The following CELF2 variants were observed in gnomAD, a reference collection of about 807,000 sequenced individuals.
CELF2 encodes CUGBP Elav-like family member 2, also known as CUG triplet repeat RNA-binding protein 2.
CELF2 carries 8 observed loss-of-function variants against 62.6 expected under a neutral mutation model. That is an observed-to-expected ratio of 0.13 (90% CI 0.07 to 0.23). The LOEUF (loss-of-function observed/expected upper bound fraction) is 0.23. CELF2 is among the 10% of genes least tolerant of loss of function. The pLI is 1.00. For synonymous variants in CELF2, 258 were observed against 250.0 expected (o/e 1.03, Z -0.30); for missense variants, 333 against 671.0 (o/e 0.50, Z 5.56).
chr10:10,966,010 C>T (rs1245938457), intron 2 of CELF2, among the ~76,000 whole-genome samples: 5 of 152,156 alleles, frequency 3.3e-5, no homozygotes, highest in Non-Finnish European at 7.3e-5. Context: ...TCTAATATTG[C>T]CACGGGCCCT....
intron 1 of CELF2, among the ~76,000 whole-genome samples, chr10:10,892,062 CA>C (rs963161331): frequency 4.0e-5 from 6 of 151,416 alleles, no homozygotes; most frequent in East Asian, 1.9e-4. Context: ...CAATGATATG[CA>C]AAAAAAACCT....
chr10:10,796,871 G>C, upstream of CELF2: 3 of 985,122 alleles, frequency 3.0e-6, no homozygotes, highest in Non-Finnish European at 3.6e-6. Flanking sequence ...GAAGAAGCTT[G>C]AAGTCCCAGA....
chr10:10,524,776 CA>C, the CELF2 span, among the ~76,000 whole-genome samples: 1 of 152,082 alleles, frequency 6.6e-6, no homozygotes, highest in African/African-American at 2.4e-5. Context: ...AGGTCATTTT[CA>C]AACTTTGGAT....
chr10:11,103,551 A>C (rs1170872700), intron 1 of CELF2, among the ~76,000 whole-genome samples: 1 of 143,372 alleles, frequency 7.0e-6, no homozygotes, highest in Non-Finnish European at 1.5e-5. Flanking sequence ...TCTGAACCTC[A>C]ATGTTCTCAT....
At chr10:10,507,200 A>G in the CELF2 span, among the ~76,000 whole-genome samples, 1 of 152,096 alleles carries the variant, frequency 6.6e-6, no homozygotes, top group African/African-American at 2.4e-5. Flanking sequence ...AGCCAGTTTT[A>G]CTGAAAAACT....
At chr10:10,732,445 C>A in the CELF2 span, among the ~76,000 whole-genome samples, 29 of 152,010 alleles carry the variant, frequency 1.9e-4, no homozygotes, top group South Asian at 6.2e-4. Flanking sequence ...CTCTGAGCAA[C>A]CCACTCTGCC....
In CELF2 at chr10:11,280,857, A is replaced by G. The variant is rs1480949676; in HGVS notation, c.841+5737A>G. Among the ~76,000 whole-genome samples the G allele has an allele frequency of 3.3e-5, 5 of 152,090 alleles. No homozygotes were observed. Among genetic ancestry groups the G allele is most frequent in the African/African-American group, 9.7e-5 (4 of 41,426 alleles). On this transcript the variant is annotated intron_variant, in intron 8 of 12. Coordinates refer to ENST00000633077, the MANE Select transcript of CELF2 (RefSeq NM_001326342.2). This position sits in a 1 kb window ranked among gnomAD's most constrained non-coding sequence, Gnocchi z 7.6. ...CTAGGGCTCTGAAGGGCTGCTCTCT[A>G]GGGCTTCCTGGCGCCAGCCTCCACT...
At chr10:10,939,674 G>T (rs2046829281) in intron 2 of CELF2, among the ~76,000 whole-genome samples, 1 of 151,978 alleles carries the variant, frequency 6.6e-6, no homozygotes, top group Non-Finnish European at 1.5e-5. Context: ...GAAAAGCCAG[G>T]CCGGGCGCGG....
At chr10:11,259,070 T>C (rs1353319791) in intron 5 of CELF2, among the ~76,000 whole-genome samples, 3 of 152,252 alleles carry the variant, frequency 2.0e-5, no homozygotes, top group East Asian at 3.8e-4. Context: ...ACCAGTGCAA[T>C]TTCTTTGGGG....
the CELF2 span, among the ~76,000 whole-genome samples, chr10:10,699,653 G>A: frequency 2.0e-5 from 3 of 152,202 alleles, no homozygotes; most frequent in Non-Finnish European, 1.5e-5. Context: ...GGGGATGCCT[G>A]ACTGCAGATG....
At chr10:10,873,947 A>G (rs1041154530) in intron 1 of CELF2, among the ~76,000 whole-genome samples, 1 of 152,186 alleles carries the variant, frequency 6.6e-6, no homozygotes, top group Non-Finnish European at 1.5e-5. Flanking sequence ...TTTGATTGGG[A>G]TGCTGCTAAC....
At chr10:10,893,574 T>TAG (rs2062310404) in intron 1 of CELF2, among the ~76,000 whole-genome samples, 2 of 152,286 alleles carry the variant, frequency 1.3e-5, no homozygotes, top group Admixed American at 6.5e-5. Flanking sequence ...TATAGAGAGA[T>TAG]ACCTGAGACG....
At chr10:10,581,217 C>G in the CELF2 span, among the ~76,000 whole-genome samples, 1 of 152,170 alleles carries the variant, frequency 6.6e-6, no homozygotes, top group African/African-American at 2.4e-5. Flanking sequence ...CCTATTCATT[C>G]AATTTGCTAC....
At chr10:10,521,673 C>T in the CELF2 span, among the ~76,000 whole-genome samples, 19 of 152,134 alleles carry the variant, frequency 1.2e-4, no homozygotes, top group African/African-American at 3.6e-4. Flanking sequence ...GAAAGGGGAG[C>T]GGCTGTGTTG....
In CELF2 at chr10:10,903,432, C is replaced by T. The variant is rs115263681; in HGVS notation, c.54-16532C>T. On this transcript the variant is annotated intron_variant, in intron 1 of 13. Transcript: ENST00000636488. ...GTAGAGAATTCTATTAATGATGGAA[C>T]TTTCCAATAAGCAAACCCAATTGAT... Among the ~76,000 whole-genome samples the T allele has an allele frequency of 2.2e-3, 342 of 152,298 alleles. 1 individual carries two copies. The highest frequency in any genetic ancestry group is 7.9e-3 in the African/African-American group (328 of 41,570).
In CELF2 at chr10:11,075,987, T is replaced by C. The variant is rs116194478; in HGVS notation, c.74+57824T>C. Among the ~76,000 whole-genome samples, 627 of 152,242 alleles carry C rather than the reference T, an allele frequency of 4.1e-3. 8 individuals are homozygous for C. The highest frequency in any genetic ancestry group is 0.014 in the African/African-American group (601 of 41,546). ...GAAAAATGATATATCAGCATACTTT[T>C]TTAGTGTGAGAAAATACCAATTAAG... On this transcript the variant is annotated intron_variant, in intron 1 of 12. Transcript: ENST00000633077. The surrounding 1 kb of genome is among the most constrained non-coding windows in gnomAD (Gnocchi z 5.4).
chr10:10,896,473 G>C (rs564378823), intron 1 of CELF2, among the ~76,000 whole-genome samples: 93 of 152,138 alleles, frequency 6.1e-4, no homozygotes, highest in Non-Finnish European at 1.1e-3. Context: ...TTTGGAAATA[G>C]GGTCTTTGGA....
intron 1 of CELF2, among the ~76,000 whole-genome samples, chr10:10,876,264 G>A (rs1357025698): frequency 6.6e-6 from 1 of 152,174 alleles, no homozygotes; most frequent in Non-Finnish European, 1.5e-5. Flanking sequence ...AGAATGGGAG[G>A]TGGGAAGAAG....
intron 1 of CELF2, among the ~76,000 whole-genome samples, chr10:10,862,647 A>G (rs960119831): frequency 2.6e-5 from 4 of 152,204 alleles, no homozygotes; most frequent in African/African-American, 9.7e-5. Flanking sequence ...ATTCAAGAGG[A>G]GGGCACATGG....
Sources: allele counts gnomAD v4.1 joint callset (sites outside exome capture counted in the v4.1 genomes callset), GRCh38; gene constraint gnomAD v4.1.1; non-coding constraint Gnocchi (gnomAD v3.1); transcripts MANE v1.5; gene names NCBI Gene and HGNC (gene_info 2026-07-23, HGNC 2026-07-21).